Variants in EYS observed in about 807,000 individuals in gnomAD.
EYS encodes the protein EGF-like photoreceptor maintenance factor, also known as protein eyes shut homolog.
EYS carries 250 observed loss-of-function variants against 282.1 expected under a neutral mutation model. The observed-to-expected ratio is 0.89, with a 90% CI of 0.80 to 0.98. The LOEUF (loss-of-function observed/expected upper bound fraction) is 0.98, where lower values mean the gene tolerates loss of function less well. Among genes scored for constraint, EYS ranks in the 50% least tolerant of loss-of-function variants. The probability of loss-of-function intolerance (pLI) is 0.00; values close to 1 mark genes in which losing one functional copy is unlikely to be tolerated. For missense variants in EYS, 4,016 were observed against 3,709.0 expected (o/e 1.08, Z -2.15); for synonymous variants, 1,355 against 1,282.9 (o/e 1.06, Z -1.20).
chr6:65,322,859 G>C, intron 11 of EYS, among the ~76,000 whole-genome samples: 1 of 149,978 alleles, frequency 6.7e-6, no homozygotes, highest in Non-Finnish European at 1.5e-5. Flanking sequence ...AGGCTCACTG[G>C]TTCCAATGTG....
chr6:63,885,796 C>G (rs2149721381), intron 35 of EYS, among the ~76,000 whole-genome samples: 1 of 152,160 alleles, frequency 6.6e-6, no homozygotes, highest in East Asian at 1.9e-4. Flanking sequence ...AGAACTTGAC[C>G]CAATTCGGGA....
chr6:64,232,771 A>C (rs1766465743), intron 30 of EYS, among the ~76,000 whole-genome samples: 1 of 151,916 alleles, frequency 6.6e-6, no homozygotes, highest in Non-Finnish European at 1.5e-5. Flanking sequence ...CCATTATGTA[A>C]CTCTTTAGTT....
At chr6:64,280,357 G>T (rs1257217376) in intron 30 of EYS, among the ~76,000 whole-genome samples, 1 of 152,074 alleles carries the variant, frequency 6.6e-6, no homozygotes. Context: ...TAAGAAAAGA[G>T]TATGTTAGTA....
chr6:65,602,934 G>C (rs891846594), intron 2 of EYS, among the ~76,000 whole-genome samples: 1 of 151,912 alleles, frequency 6.6e-6, no homozygotes, highest in African/African-American at 2.4e-5. Flanking sequence ...CAAATATTTA[G>C]GAGAATGACT....
intron 31 of EYS, among the ~76,000 whole-genome samples, chr6:64,085,340 G>GCGCGCACACACACACACACACACA (rs112388321): frequency 5.3e-4 from 74 of 139,882 alleles, no homozygotes; most frequent in African/African-American, 1.9e-3. Context: ...ACGTGCGCGC[G>GCGCGCACACACACACACACACACA]CACACACACA....
At chr6:64,090,983 T>C (rs779161280) in intron 31 of EYS, among the ~76,000 whole-genome samples, 24 of 152,322 alleles carry the variant, frequency 1.6e-4, no homozygotes, top group East Asian at 3.9e-4. Context: ...TGGTCCTTCA[T>C]TGGCAGCAAA....
chr6:64,493,551 G>T (rs1490139071), intron 26 of EYS, among the ~76,000 whole-genome samples: 1 of 151,446 alleles, frequency 6.6e-6, no homozygotes, highest in Non-Finnish European at 1.5e-5. Context: ...CTAACCTCCT[G>T]CAGTCTTTCT....
intron 12 of EYS, among the ~76,000 whole-genome samples, chr6:65,287,122 C>T (rs1055868354): frequency 6.6e-6 from 1 of 150,486 alleles, no homozygotes; most frequent in African/African-American, 2.4e-5. Flanking sequence ...GTCTATACAC[C>T]AATAATGGGA....
Position 64,900,050 on chromosome 6 carries a change from A to C in EYS, c.2846+2063T>G, listed in dbSNP as rs556759043. 3.3e-5 allele frequency among the ~76,000 whole-genome samples: 5 copies of C among 152,350 alleles called. No individual in the cohort carries two copies. The South Asian group carries it at 1.0e-3, about 32-fold the overall frequency. ...AAACAGATATATAGACCAATGGAAC[A>C]GAACAGAAGCCTCAGAAATAACATC... is the stretch of plus-strand genomic sequence containing the variant. On this transcript the variant is annotated intron_variant, in intron 18 of 42. Coordinates refer to ENST00000503581, the MANE Select transcript of EYS (RefSeq NM_001142800.2).
intron 12 of EYS, among the ~76,000 whole-genome samples, chr6:65,141,067 C>T (rs1178520639): frequency 6.6e-5 from 10 of 151,674 alleles, no homozygotes; most frequent in East Asian, 1.9e-4. Context: ...GCACTATTCA[C>T]GATAGCAAAG....
At chr6:63,925,145 T>C (rs1764679624) in intron 35 of EYS, among the ~76,000 whole-genome samples, 1 of 152,204 alleles carries the variant, frequency 6.6e-6, no homozygotes, top group Non-Finnish European at 1.5e-5. Context: ...AAAGCAGCCC[T>C]GAGAATTAAG....
At chr6:64,678,368 C>T (rs751449591) in intron 22 of EYS, among the ~76,000 whole-genome samples, 1 of 151,630 alleles carries the variant, frequency 6.6e-6, no homozygotes, top group Non-Finnish European at 1.5e-5. Flanking sequence ...ACCTGAGGTC[C>T]GGAGTTTGAG....
intron 7 of EYS, among the ~76,000 whole-genome samples, chr6:65,394,095 AG>A (rs1372069505): frequency 6.6e-6 from 1 of 152,116 alleles, no homozygotes; most frequent in East Asian, 1.9e-4. Flanking sequence ...GAAAGACACC[AG>A]CTGGTTTAAC....
At chr6:64,020,954 A>G (rs1769160085) in intron 33 of EYS, among the ~76,000 whole-genome samples, 1 of 152,168 alleles carries the variant, frequency 6.6e-6, no homozygotes, top group African/African-American at 2.4e-5. Flanking sequence ...TATGATGACT[A>G]CAGAAGATCC....
intron 36 of EYS, among the ~76,000 whole-genome samples, chr6:63,827,533 C>T (rs1771503500): frequency 6.6e-6 from 1 of 152,186 alleles, no homozygotes; most frequent in Admixed American, 6.5e-5. Context: ...AAATGAGCCT[C>T]AGTAAATTTC....
chr6:64,436,343 T>C, intron 27 of EYS, 78 bp from the exon 28 acceptor site: 1 of 709,824 alleles, frequency 1.4e-6, no homozygotes, highest in Non-Finnish European at 2.4e-6. Context: ...TGGACTTTAT[T>C]ATTTATCAAT....
At position 63,880,349 on chromosome 6, in the gene EYS, A is replaced by T. The variant is rs147585089; in HGVS notation, c.7056-15991T>A. Among the ~76,000 whole-genome samples the T allele has an allele frequency of 2.3e-3, 344 of 152,126 alleles. 2 individuals are homozygous for T. The highest frequency in any genetic ancestry group is 8.0e-3 in the African/African-American group (333 of 41,482). On this transcript the variant is annotated intron_variant, in intron 35 of 42. Coordinates refer to ENST00000503581, the MANE Select transcript of EYS (RefSeq NM_001142800.2). ...TCAAACATCGGACTCCAAGTTCTTCAGTTTTAAGACTTGGACTGCCTCTCC... is the reference window on the plus strand; with the variant it reads ...TCAAACATCGGACTCCAAGTTCTTCTGTTTTAAGACTTGGACTGCCTCTCC...
intron 26 of EYS, among the ~76,000 whole-genome samples, chr6:64,485,853 C>A (rs1776566645): frequency 6.6e-6 from 1 of 151,360 alleles, no homozygotes; most frequent in Middle Eastern, 3.4e-3. Context: ...TAGACTAGTG[C>A]CAATGTTTAC....
At chr6:64,470,740 T>G (rs890089855) in intron 26 of EYS, among the ~76,000 whole-genome samples, 1 of 152,012 alleles carries the variant, frequency 6.6e-6, no homozygotes, top group African/African-American at 2.4e-5. Context: ...AGAAAAAATT[T>G]CCAAACTTGA....
Sources: gnomAD v4.1 joint callset for allele counts (sites outside exome capture counted in the v4.1 genomes callset) on GRCh38, gnomAD v4.1.1 for gene constraint, MANE v1.5 for transcripts, NCBI Gene and HGNC (gene_info 2026-07-23, HGNC 2026-07-21) for gene names.